Variants in TSR1 observed in about 807,000 individuals in gnomAD.
TSR1 encodes the protein pre-rRNA-processing protein TSR1 homolog.
A neutral mutation model predicts 90.9 loss-of-function variants in TSR1; 81 were observed. The observed-to-expected ratio is 0.89, with a 90% CI of 0.74 to 1.07. The LOEUF (loss-of-function observed/expected upper bound fraction) is 1.07. TSR1 is among the 50% of genes least tolerant of loss of function. The probability of loss-of-function intolerance (pLI) is 0.00; values close to 1 mark genes in which losing one functional copy is unlikely to be tolerated. For missense variants in TSR1, 989 were observed against 987.3 expected (o/e 1.00, Z -0.02); for synonymous variants, 362 against 348.8 (o/e 1.04, Z -0.42).
In TSR1 at chr17:2,324,297, G is replaced by T; in HGVS notation, c.2314C>A (p.Arg772=). 1 of 1,561,306 alleles carries T rather than the reference G, an allele frequency of 6.4e-7. No individual in the cohort carries two copies. ...TCATAAGTCCATTTGGGGAAGACTC[G>T]TTTATACAGGTTCATCAGTACTGTG... is the stretch of plus-strand genomic sequence containing the variant. The part of the protein sequence containing the change: ...QDTVLMNLYK[R]VFPKWTYDPY... Residue 772 remains arginine (R), a synonymous_variant, in exon 15 of 15, where the codon CGA becomes AGA. Coordinates refer to ENST00000301364, the MANE Select transcript of TSR1 (RefSeq NM_018128.5).
chr17:2,331,201 T>G (rs2064001121), intron 8 of TSR1, 92 bp from the exon 9 acceptor site: 1 of 1,064,972 alleles, frequency 9.4e-7, no homozygotes, highest in South Asian at 2.1e-5. Context: ...AGGAGCTAGC[T>G]GAAAAGAACT....
Position 2,332,376 on chromosome 17 carries a change from C to CAGTTTT in TSR1, c.1306-23_1306-18dup, listed in dbSNP as rs1354638026. On this transcript the variant is annotated splice_polypyrimidine_tract_variant and intron_variant, in intron 7 of 14. Transcript: ENST00000301364. Reference sequence around the variant, plus strand: ...ACTCTCATCCTGTAGAATAGGATTACAGTTTTTTCAGAAGAAATCCACACC... The same window carrying CAGTTTT: ...ACTCTCATCCTGTAGAATAGGATTACAGTTTTAGTTTTTTCAGAAGAAATCCACACC... 13 of 1,566,256 alleles carry CAGTTTT rather than the reference C, an allele frequency of 8.3e-6. No individual in the cohort carries two copies.
rs1567785375 is a variant in TSR1, at chr17:2,334,649, C to G, written c.804G>C (p.Leu268Phe). Residue 268 changes from leucine to phenylalanine, a missense_variant, in exon 5 of 15, where the codon TTG (leucine) becomes TTC (phenylalanine). Leu to Phe is a conservative substitution (Grantham distance 22, BLOSUM62 0). Transcript: ENST00000301364. ...VDFVPSEENN[L>F]VGTLKISGYV... ...AGCCTGAAATTTTCAAGGTGCCCAC[C>G]AAGTTATTCTCTTCACTAGGAACAA... The G allele has an allele frequency of 2.5e-6, 4 of 1,613,266 alleles. No individual in the cohort carries two copies. The Admixed American group carries it at 6.7e-5, about 27-fold the overall frequency.
intron 11 of TSR1, 75 bp downstream of exon 11, chr17:2,329,268 T>C: frequency 6.2e-7 from 1 of 1,601,854 alleles, no homozygotes; most frequent in Non-Finnish European, 8.5e-7. Context: ...AAACCATATA[T>C]TTTGGCACCC....
chr17:2,329,584 A>G, intron 10 of TSR1, 109 bp from the exon 11 acceptor site: 1 of 1,327,996 alleles, frequency 7.5e-7, no homozygotes, highest in Non-Finnish European at 1.0e-6. Context: ...CTAAGAACTG[A>G]CAATGCTAAT....
intron 9 of TSR1, 52 bp from the exon 10 acceptor site, chr17:2,330,677 T>C (rs755732513): frequency 1.5e-5 from 24 of 1,559,312 alleles, no homozygotes; most frequent in South Asian, 4.5e-5. Flanking sequence ...AAAGTCCCAA[T>C]AGCGAGGAAG....
chr17:2,330,418 G>T, intron 10 of TSR1, 97 bp downstream of exon 10: 2 of 1,086,594 alleles, frequency 1.8e-6, no homozygotes, highest in Non-Finnish European at 2.8e-6. Flanking sequence ...GCATCCCAAT[G>T]AGCAAAATTT....
In TSR1 at chr17:2,336,422, C is replaced by T. The variant is rs920645782; in HGVS notation, c.6G>A (p.Ala2=). 4 of 1,610,308 alleles carry T rather than the reference C, an allele frequency of 2.5e-6. No individual in the cohort carries two copies. Among genetic ancestry groups the T allele is most frequent in the African/African-American group, 1.3e-5 (1 of 74,880 alleles). Reference sequence around the variant, plus strand: ...GCTTGAGCGGGCCGGGGCGGTGGGCCGCCATGCCGCAGCGCGCGTGTACGG... The same window carrying T: ...GCTTGAGCGGGCCGGGGCGGTGGGCTGCCATGCCGCAGCGCGCGTGTACGG... M[A]AHRPGPLKQQ... is the part of the protein sequence containing the mutation. Residue 2 remains alanine (A), a synonymous_variant, in exon 1 of 15, where the codon GCG becomes GCA. Coordinates refer to ENST00000301364, the MANE Select transcript of TSR1 (RefSeq NM_018128.5).
rs372693289 is a variant in TSR1, at chr17:2,330,964, C to A, written c.1642G>T (p.Glu548Ter). 2 of 1,592,716 alleles carry A rather than the reference C, an allele frequency of 1.3e-6. No individual in the cohort carries two copies. Among genetic ancestry groups the A allele is most frequent in the African/African-American group, 2.7e-5 (2 of 73,426 alleles). The change falls in exon 9 of 15, where the codon GAG becomes TAG. Residue 548 changes from glutamate to a stop codon, truncating the protein, a stop_gained. Transcript: ENST00000301364. LOFTEE classifies it high-confidence loss of function. ...KSIFKEVEEKEVEGAEVGWYV... is the reference protein window; with the variant it reads ...KSIFKEVEEK The stretch of plus-strand genomic sequence containing the variant: ...ATAGATACCTCAGCTCCTTCAACCT[C>A]TTTTTCTTCAACCTCTTTAAAGATG...
rs775268747 is a variant in TSR1, at chr17:2,335,562, G to A, written c.370C>T (p.Leu124=). 6.2e-7 allele frequency: 1 copy of A among 1,614,124 alleles called. No homozygotes were observed. Among genetic ancestry groups the A allele is most frequent in the Non-Finnish European group, 8.5e-7 (1 of 1,180,034 alleles). Residue 124 remains leucine (L), a synonymous_variant, in exon 3 of 15, where the codon CTG becomes TTG. Coordinates refer to ENST00000301364, the MANE Select transcript of TSR1 (RefSeq NM_018128.5). ...NELGNTQNFM[L]LCPRLKHRWF... ...CGATGTTTCAAGCGGGGGCACAGCA[G>A]CATAAAGTTCTGGGTGTTTCCCAAT...
intron 7 of TSR1, 49 bp from the exon 8 acceptor site, chr17:2,332,408 T>G: frequency 6.7e-7 from 1 of 1,490,608 alleles, no homozygotes; most frequent in Non-Finnish European, 9.0e-7. Flanking sequence ...CACCTGTCTC[T>G]ACCCCAAAGG....
Position 2,324,509 on chromosome 17 carries a change from G to A in TSR1, c.2231C>T (p.Pro744Leu), listed in dbSNP as rs1451479067. The A allele has an allele frequency of 1.9e-6, 3 of 1,614,062 alleles. No homozygotes were observed. The highest frequency in any genetic ancestry group is 2.2e-5 in the East Asian group (1 of 44,896). ...CAAATCCCGTGTTTCCTTACCTAAA[G>A]GTTCCTTGATATGTCCTCTCCGGCC... ...KWGRRGHIKE[P>L]LGTHGHMKCS... The change falls in exon 14 of 15, where the codon CCT becomes CTT. Residue 744 changes from proline (P) to leucine (L), a missense_variant. Pro to Leu is a moderately conservative substitution (Grantham distance 98). Coordinates refer to ENST00000301364, the MANE Select transcript of TSR1 (RefSeq NM_018128.5).
intron 1 of TSR1, 26 bp downstream of exon 1, chr17:2,336,305 T>C (rs1032958586): frequency 1.2e-6 from 2 of 1,613,922 alleles, no homozygotes; most frequent in Non-Finnish European, 1.7e-6. Flanking sequence ...CAAATAGCCC[T>C]TATTCCTTCT....
chr17:2,336,449 G>A lies in TSR1; in HGVS notation c.-22C>T, dbSNP rs2064086957. 1.9e-6 allele frequency: 3 copies of A among 1,605,388 alleles called. No homozygotes were observed. Among genetic ancestry groups the A allele is most frequent in the African/African-American group, 1.3e-5 (1 of 74,836 alleles). On this transcript the variant is annotated 5_prime_UTR_variant, in exon 1 of 15. Transcript: ENST00000301364. ...CCATGCCGCAGCGCGCGTGTACGGA[G>A]TCAGCACTGCTTCCGGGCCAGGACA...
At position 2,335,513 on chromosome 17, in the gene TSR1, G is replaced by A. The variant is rs747145823; in HGVS notation, c.419C>T (p.Pro140Leu). Residue 140 changes from proline to leucine, a missense_variant and splice_region_variant, in exon 3 of 15, where the codon CCA becomes CTA. Pro to Leu is a moderately conservative substitution (Grantham distance 98, BLOSUM62 -3). Coordinates refer to ENST00000301364, the MANE Select transcript of TSR1 (RefSeq NM_018128.5). Reference sequence around the variant, plus strand: ...AAAATATTGGTGTATACTCTAACCTGGCCTTGCTGAGGTGAAAAACCACCG... The same window carrying A: ...AAAATATTGGTGTATACTCTAACCTAGCCTTGCTGAGGTGAAAAACCACCG... ...KHRWFFTSARPGDLHVVLDMA... is the reference protein window; with the variant it reads ...KHRWFFTSARLGDLHVVLDMA... 6.2e-7 allele frequency: 1 copy of A among 1,613,804 alleles called. No individual in the cohort carries two copies. Among genetic ancestry groups the A allele is most frequent in the South Asian group, 1.1e-5 (1 of 91,072 alleles).
At position 2,332,237 on chromosome 17, in the gene TSR1, T is replaced by A. The variant is rs371152704; in HGVS notation, c.1428A>T (p.Lys476Asn). The A allele has an allele frequency of 5.0e-5, 81 of 1,614,000 alleles. No homozygotes were observed. The highest frequency in any genetic ancestry group is 6.4e-5 in the Non-Finnish European group (76 of 1,180,010). Reference protein sequence around the residue: ...EAEAKMLEKYKQERLEEMFPD... With the variant: ...EAEAKMLEKYNQERLEEMFPD... ...GAAACATCTCTTCCAGTCTTTCTTG[T>A]TTATATTTCTCCAACATTTTTGCCT... The change falls in exon 8 of 15, where the codon AAA (lysine) becomes AAT (asparagine). Residue 476 changes from lysine (K) to asparagine (N), a missense_variant. Lys to Asn is a moderately conservative substitution (Grantham distance 94). Coordinates refer to ENST00000301364, the MANE Select transcript of TSR1 (RefSeq NM_018128.5).
In TSR1 at chr17:2,332,347, C is replaced by T. The variant is rs1199901557; in HGVS notation, c.1318G>A (p.Glu440Lys). 1 of 1,602,942 alleles carries T rather than the reference C, an allele frequency of 6.2e-7. No individual in the cohort carries two copies. Among genetic ancestry groups the T allele is most frequent in the Non-Finnish European group, 8.5e-7 (1 of 1,176,922 alleles). ...MEEESQDESS[E>K]EEEEYETMTI... is the part of the protein sequence containing the mutation. ...ATAGTTTCATATTCTTCCTCTTCTT[C>T]ACTACTCTCATCCTGTAGAATAGGA... is the stretch of plus-strand genomic sequence containing the variant. Residue 440 changes from glutamate to lysine, a missense_variant, in exon 8 of 15, where the codon GAA becomes AAA. Transcript: ENST00000301364.
chr17:2,330,101 TAGAGACAG>T (rs1209924785), intron 10 of TSR1: 1 of 335,658 alleles, frequency 3.0e-6, no homozygotes, highest in Non-Finnish European at 5.9e-6. Context: ...GTATTTTTGG[TAGAGACAG>T]GGTTCCTCCA....
chr17:2,324,434 T>G (rs1019158596), intron 14 of TSR1, 60 bp from the exon 15 acceptor site: 4 of 1,610,654 alleles, frequency 2.5e-6, no homozygotes, highest in Non-Finnish European at 3.4e-6. Flanking sequence ...AAGCAATGAC[T>G]TCCAACCCAA....
Sources: gnomAD v4.1 joint callset for allele counts on GRCh38, gnomAD v4.1.1 for gene constraint, MANE v1.5 for transcripts, NCBI Gene and HGNC (gene_info 2026-07-23, HGNC 2026-07-21) for gene names.